The following RFX8 variants were observed in gnomAD, a reference collection of about 807,000 sequenced individuals.
RFX8 encodes DNA-binding protein RFX8.
Under a neutral mutation model 54.6 loss-of-function variants are expected in RFX8, and 46 were observed. That is an observed-to-expected ratio of 0.84 (90% confidence interval 0.67 to 1.08). The LOEUF (loss-of-function observed/expected upper bound fraction) is 1.08. RFX8 is among the 50% of genes least tolerant of loss of function. RFX8 has a pLI of 0.00. For synonymous variants in RFX8, 192 were observed against 209.5 expected, an observed-to-expected ratio of 0.92 and a Z score of 0.72; for missense variants, 536 against 562.3, an observed-to-expected ratio of 0.95 and a Z score of 0.47.
chr2:101,400,116 C>T (rs948530721), intron 11 of RFX8, among the ~76,000 whole-genome samples: 1 of 152,218 alleles, frequency 6.6e-6, no homozygotes, highest in African/African-American at 2.4e-5. Context: ...CTCCGGGAGA[C>T]TGTCAGCGTC....
intron 8 of RFX8, among the ~76,000 whole-genome samples, chr2:101,411,906 T>C (rs564990766): frequency 7.2e-5 from 11 of 152,314 alleles, no homozygotes; most frequent in African/African-American, 1.9e-4. Context: ...TTACAGGTGG[T>C]GCTTTTGTGT....
intron 2 of RFX8, among the ~76,000 whole-genome samples, chr2:101,435,447 A>C (rs995822694): frequency 3.9e-5 from 6 of 152,148 alleles, no homozygotes; most frequent in African/African-American, 1.4e-4. Flanking sequence ...AATGACAACA[A>C]ATTTATCCTT....
chr2:101,447,908 A>G (rs925768854), intron 2 of RFX8, among the ~76,000 whole-genome samples: 3 of 152,194 alleles, frequency 2.0e-5, no homozygotes, highest in Non-Finnish European at 4.4e-5. Flanking sequence ...AACAACCTCC[A>G]GTTCTTGCTC....
intron 6 of RFX8, among the ~76,000 whole-genome samples, chr2:101,415,863 G>C (rs1048101496): frequency 1.3e-5 from 2 of 152,382 alleles, no homozygotes; most frequent in Middle Eastern, 3.4e-3. Context: ...ATTGAGGAAA[G>C]CTTCACTGCG....
chr2:101,412,784 A>G lies in RFX8; in HGVS notation c.718+131T>C, dbSNP rs1222002726. 5 of 916,324 alleles carry G rather than the reference A, an allele frequency of 5.5e-6. No individual in the cohort carries two copies. In the Admixed American group the frequency reaches 1.4e-4, roughly 26 times the overall value. The allele number at this position is 916,324 out of a possible 1,614,324, so 56.8% of individuals were successfully genotyped here. A position where few individuals can be genotyped will look rare whatever the true frequency, so the allele number is the denominator to read the frequency against. ...ACCCCACTACAGGAAGAGAAGTGTG[A>G]GCAGACAACTTAGAACATCGGAGTT... On this transcript the variant is annotated intron_variant, in intron 8 of 11. Coordinates refer to ENST00000428343, the MANE Select transcript of RFX8 (RefSeq NM_001145664.2).
At chr2:101,463,576 C>T (rs973515632) in intron 2 of RFX8, among the ~76,000 whole-genome samples, 5 of 152,216 alleles carry the variant, frequency 3.3e-5, no homozygotes, top group Admixed American at 1.3e-4. Flanking sequence ...CCACAGCAGC[C>T]CTGGGAGACA....
intron 2 of RFX8, among the ~76,000 whole-genome samples, chr2:101,465,445 G>A (rs891988134): frequency 6.6e-6 from 1 of 152,200 alleles, no homozygotes; most frequent in Admixed American, 6.5e-5. Context: ...GGGAGGCGGA[G>A]GTTGCAGTGA....
At position 101,469,080 on chromosome 2, in the gene RFX8, GTGTATATA is replaced by G. The variant is rs1689796707; in HGVS notation, c.-52-2188_-52-2181del. Among the ~76,000 whole-genome samples the G allele has an allele frequency of 1.1e-3, 9 of 8,066 alleles. 2 individuals are homozygous for G. Among genetic ancestry groups the G allele is most frequent in the African/African-American group, 6.8e-3 (9 of 1,316 alleles). 5.3% of individuals were successfully genotyped at this position (8,066 alleles called of 152,430 possible). On this transcript the variant is annotated intron_variant, in intron 1 of 11. Coordinates refer to ENST00000428343, the MANE Select transcript of RFX8 (RefSeq NM_001145664.2). ...CGTATATATATGTATATATATATAAGTGTATATATATAAGTATATATATATAAGTGTAT... is the reference window on the plus strand; with the variant it reads ...CGTATATATATGTATATATATATAAGTATAAGTATATATATATAAGTGTAT...
At chr2:101,408,511 G>A (rs560453651) in intron 9 of RFX8, among the ~76,000 whole-genome samples, 2 of 152,104 alleles carry the variant, frequency 1.3e-5, no homozygotes, top group African/African-American at 2.4e-5. Context: ...AAACGCTGGA[G>A]GCTGAGTTCC....
At chr2:101,399,846 T>G (rs1685331693) in intron 11 of RFX8, among the ~76,000 whole-genome samples, 1 of 152,140 alleles carries the variant, frequency 6.6e-6, no homozygotes, top group African/African-American at 2.4e-5. Flanking sequence ...TTTGAAGGTA[T>G]TTTTAGTAAT....
At chr2:101,470,667 G>A (rs925930480) in intron 1 of RFX8, among the ~76,000 whole-genome samples, 1 of 149,074 alleles carries the variant, frequency 6.7e-6, no homozygotes, top group Non-Finnish European at 1.5e-5. Context: ...TGACCTCAGA[G>A]CACAAATACT....
At chr2:101,413,162 G>T (rs1233001448) in intron 7 of RFX8, 91 bp from the exon 8 acceptor site, 1 of 1,010,762 alleles carries the variant, frequency 9.9e-7, no homozygotes, top group Non-Finnish European at 1.5e-6. Flanking sequence ...TTTTTGTTGT[G>T]GGGGAGAAAG....
intron 1 of RFX8, among the ~76,000 whole-genome samples, chr2:101,471,020 C>T (rs1689955039): frequency 6.7e-6 from 1 of 149,702 alleles, no homozygotes; most frequent in Non-Finnish European, 1.5e-5. Flanking sequence ...CGCCCGGCCT[C>T]TGAGTACTCT....
intron 9 of RFX8, among the ~76,000 whole-genome samples, chr2:101,408,509 G>A (rs2104535654): frequency 6.6e-6 from 1 of 152,036 alleles, no homozygotes; most frequent in Middle Eastern, 3.4e-3. Flanking sequence ...AAAAACGCTG[G>A]AGGCTGAGTT....
Position 101,402,483 on chromosome 2 carries a change from C to A in RFX8, c.1198G>T (p.Val400Phe), listed in dbSNP as rs1198167359. Residue 400 changes from valine (V) to phenylalanine (F), a missense_variant, in exon 11 of 12, where the codon GTC (valine) becomes TTC (phenylalanine). Coordinates refer to ENST00000428343, the MANE Select transcript of RFX8 (RefSeq NM_001145664.2). ...GRYPVGVSNM[V>F]LRILGFLVDT... ...ACCAGGAAGCCCAGGATCCTGAGGA[C>A]CATGTTGCTCACACCCACGGGATAT... The A allele has an allele frequency of 1.9e-6, 3 of 1,551,612 alleles. No individual in the cohort carries two copies. Among genetic ancestry groups the A allele is most frequent in the Non-Finnish European group, 2.6e-6 (3 of 1,146,894 alleles).
intron 1 of RFX8, among the ~76,000 whole-genome samples, chr2:101,467,550 A>T (rs1429957980): frequency 1.3e-5 from 2 of 152,128 alleles, no homozygotes; most frequent in Non-Finnish European, 2.9e-5. Context: ...TTTCTTCCCT[A>T]TTGGTACAGA....
At chr2:101,411,494 G>C (rs571242333) in intron 8 of RFX8, among the ~76,000 whole-genome samples, 1 of 9,420 alleles carries the variant, frequency 1.1e-4, no homozygotes, top group Non-Finnish European at 3.7e-3. Context: ...GGAAGGCACC[G>C]GGCGGGGGAG....
At chr2:101,416,796 T>A (rs1286342651) in intron 6 of RFX8, among the ~76,000 whole-genome samples, 1 of 152,136 alleles carries the variant, frequency 6.6e-6, no homozygotes, top group Admixed American at 6.5e-5. Flanking sequence ...CTGGACCAGC[T>A]GACAGAGCAG....
At position 101,408,100 on chromosome 2, in the gene RFX8, C is replaced by T. The variant is rs560145062; in HGVS notation, c.814-2043G>A. Among the ~76,000 whole-genome samples, 51 of 152,310 alleles carry T rather than the reference C, an allele frequency of 3.3e-4. No individual in the cohort carries two copies. The South Asian group carries it at 4.6e-3, about 14-fold the overall frequency. ...TCCTTTGTGAGGGCTGAAGGCACAA[C>T]GATGGAGACTTGGGAAACACATAGC... On this transcript the variant is annotated intron_variant, in intron 9 of 11. Coordinates refer to ENST00000428343, the MANE Select transcript of RFX8 (RefSeq NM_001145664.2).
Sources: gnomAD v4.1 joint callset for allele counts (sites outside exome capture counted in the v4.1 genomes callset) on GRCh38, gnomAD v4.1.1 for gene constraint, MANE v1.5 for transcripts, NCBI Gene and HGNC (gene_info 2026-07-23, HGNC 2026-07-21) for gene names.